AGBL4: variants seen among roughly 807,000 people sequenced by gnomAD.
AGBL4 encodes the protein cytosolic carboxypeptidase 6.
AGBL4 carries 58 observed loss-of-function variants against 66.4 expected under a neutral mutation model. That is an observed-to-expected ratio of 0.87 (90% confidence interval 0.71 to 1.09). AGBL4 has a LOEUF of 1.09. Ranked by LOEUF, AGBL4 falls within the 50% of genes least tolerant of loss-of-function variation. The pLI, the probability that AGBL4 is intolerant of heterozygous loss-of-function variation, is 0.00. For synonymous variants in AGBL4, 234 were observed against 222.9 expected (o/e 1.05, Z -0.44); for missense variants, 579 against 631.0 (o/e 0.92, Z 0.88).
rs914510003 is a variant in AGBL4 at position 49,366,896 on chromosome 1, C to CA, written c.283-121033dup. ...CTGGAACAGGAAGACTCAGCTATAA[C>CA]AAAAAGCAGGCTAGAGGCAGGAGGC... On this transcript the variant is annotated intron_variant, in intron 3 of 13. Transcript: ENST00000371839. 5.9e-5 allele frequency among the ~76,000 whole-genome samples: 9 copies of CA among 152,238 alleles called. No individual in the cohort carries two copies. The South Asian group carries it at 1.7e-3, about 28-fold the overall frequency.
At chr1:49,837,090 A>C (rs1278454369) in intron 2 of AGBL4, among the ~76,000 whole-genome samples, 5 of 152,206 alleles carry the variant, frequency 3.3e-5, no homozygotes, top group African/African-American at 1.2e-4. Context: ...ACTGTGCTGG[A>C]GGATCCACTG....
At chr1:48,776,330 A>T (rs1054721427) in intron 6 of AGBL4, among the ~76,000 whole-genome samples, 6 of 152,238 alleles carry the variant, frequency 3.9e-5, no homozygotes, top group Non-Finnish European at 5.9e-5. Context: ...AAGAATCAGA[A>T]AGAGGAGGAC....
At chr1:48,527,644 A>C in the AGBL4 span, among the ~76,000 whole-genome samples, 1 of 152,136 alleles carries the variant, frequency 6.6e-6, no homozygotes, top group South Asian at 2.1e-4. Flanking sequence ...TGTTAGGGCA[A>C]CCGAGAAAAG....
chr1:49,685,845 T>C lies in AGBL4; in HGVS notation c.282+11468A>G, dbSNP rs535527171. On this transcript the variant is annotated intron_variant, in intron 3 of 13. Transcript: ENST00000371839. Reference sequence around the variant, plus strand: ...CAAATATTTTCTTCCATTTTGTTTGTTGTCTGTTTACACTGCTGATGGTGT... The same window carrying C: ...CAAATATTTTCTTCCATTTTGTTTGCTGTCTGTTTACACTGCTGATGGTGT... Among the ~76,000 whole-genome samples the C allele has an allele frequency of 5.9e-5, 9 of 152,324 alleles. No individual in the cohort carries two copies. In the South Asian group the frequency reaches 1.7e-3, roughly 28 times the overall value.
At chr1:49,996,108 T>C (rs1436470271) in intron 1 of AGBL4, 1 of 151,770 alleles carries the variant, frequency 6.6e-6, no homozygotes, top group Non-Finnish European at 1.5e-5. Context: ...TCTACCCAAA[T>C]GAGAAGGAAC....
At chr1:49,779,553 A>G (rs555859251) in intron 2 of AGBL4, among the ~76,000 whole-genome samples, 42 of 152,230 alleles carry the variant, frequency 2.8e-4, no homozygotes, top group African/African-American at 1.0e-3. Context: ...AAGAGTGGGA[A>G]AACCACCGCA....
intron 5 of AGBL4, among the ~76,000 whole-genome samples, chr1:48,986,778 T>G (rs907007068): frequency 6.6e-6 from 1 of 152,086 alleles, no homozygotes; most frequent in African/African-American, 2.4e-5. Context: ...GAATATGTCT[T>G]ATTAGTTAAA....
chr1:49,985,047 A>G (rs1335150565), intron 1 of AGBL4, among the ~76,000 whole-genome samples: 2 of 152,176 alleles, frequency 1.3e-5, no homozygotes, highest in Admixed American at 6.5e-5. Context: ...TTCTTGCCCA[A>G]CTACAGTACT....
At chr1:49,927,762 G>C (rs984071864) in intron 1 of AGBL4, among the ~76,000 whole-genome samples, 22 of 151,542 alleles carry the variant, frequency 1.5e-4, no homozygotes, top group Admixed American at 6.6e-4. Context: ...AAGAGTTATT[G>C]ACCTTAAAGA....
chr1:48,634,345 G>T, intron 9 of AGBL4, 148 bp downstream of exon 9: 1 of 568,762 alleles, frequency 1.8e-6, no homozygotes, highest in Non-Finnish European at 3.1e-6. Context: ...TGGGTCTGCT[G>T]GATTCAGAGA....
intron 3 of AGBL4, among the ~76,000 whole-genome samples, chr1:49,604,324 T>C (rs993338250): frequency 6.6e-6 from 1 of 152,218 alleles, no homozygotes; most frequent in Non-Finnish European, 1.5e-5. Context: ...TTCCTAATGA[T>C]CAGTGATGTT....
intron 3 of AGBL4, among the ~76,000 whole-genome samples, chr1:49,359,766 G>A (rs916923177): frequency 1.3e-5 from 2 of 151,962 alleles, no homozygotes; most frequent in Admixed American, 1.3e-4. Context: ...TTTTTACCCC[G>A]AGAAAGGGCC....
intron 1 of AGBL4, among the ~76,000 whole-genome samples, chr1:49,877,080 G>C (rs1396043297): frequency 1.3e-5 from 2 of 151,556 alleles, no homozygotes; most frequent in African/African-American, 4.9e-5. Context: ...GGGTTTTCTA[G>C]ATAAACAATC....
In AGBL4 at chr1:49,100,015, A is replaced by C. The variant is rs984774787; in HGVS notation, c.378-54215T>G. Among the ~76,000 whole-genome samples the C allele has an allele frequency of 7.2e-5, 11 of 152,140 alleles. 1 individual carries two copies. The highest frequency in any genetic ancestry group is 2.7e-4 in the African/African-American group (11 of 41,444). On this transcript the variant is annotated intron_variant, in intron 4 of 13. Coordinates refer to ENST00000371839, the MANE Select transcript of AGBL4 (RefSeq NM_032785.4). The stretch of plus-strand genomic sequence containing the variant: ...TCTGTCAGTCAAGGTCAGTACTAAC[A>C]GTGTTAGGAACTGGGTACAACTTGA...
rs369529299 is a variant in AGBL4, at chr1:49,380,867, T to C, written c.283-135003A>G. On this transcript the variant is annotated intron_variant, in intron 3 of 13. Coordinates refer to ENST00000371839, the MANE Select transcript of AGBL4 (RefSeq NM_032785.4). ...ATTCAAGATGGATTAAAGACTTAAA[T>C]GTTAGACCTAAAACCATAAAAACCC... is the stretch of plus-strand genomic sequence containing the variant. 5.3e-5 allele frequency among the ~76,000 whole-genome samples: 8 copies of C among 152,268 alleles called. No individual in the cohort carries two copies. The South Asian group carries it at 6.2e-4, about 12-fold the overall frequency.
chr1:49,689,130 C>T (rs1188860254), intron 3 of AGBL4, among the ~76,000 whole-genome samples: 1 of 152,046 alleles, frequency 6.6e-6, no homozygotes, highest in Non-Finnish European at 1.5e-5. Flanking sequence ...TGGAGTATTA[C>T]TCAAAAAATC....
At chr1:49,471,035 A>G (rs1405401745) in intron 3 of AGBL4, among the ~76,000 whole-genome samples, 2 of 152,142 alleles carry the variant, frequency 1.3e-5, no homozygotes, top group East Asian at 3.9e-4. Flanking sequence ...TCTGTGTAAG[A>G]AATGCTCACC....
intron 6 of AGBL4, among the ~76,000 whole-genome samples, chr1:48,799,085 G>T (rs924285020): frequency 6.6e-6 from 1 of 152,110 alleles, no homozygotes; most frequent in African/African-American, 2.4e-5. Context: ...GAATTGCATT[G>T]AATTTATAGA....
intron 1 of AGBL4, among the ~76,000 whole-genome samples, chr1:49,901,170 T>C (rs1247205792): frequency 6.6e-6 from 1 of 152,140 alleles, no homozygotes; most frequent in East Asian, 1.9e-4. Context: ...TTATTCACCA[T>C]AGTACTGGAA....
Sources: gnomAD v4.1 joint callset for allele counts (sites outside exome capture counted in the v4.1 genomes callset) on GRCh38, gnomAD v4.1.1 for gene constraint, MANE v1.5 for transcripts, NCBI Gene and HGNC (gene_info 2026-07-23, HGNC 2026-07-21) for gene names.